The following CACNA2D3 variants were observed in gnomAD, a reference collection of about 807,000 sequenced individuals.
CACNA2D3 encodes the protein voltage-dependent calcium channel subunit alpha-2/delta-3.
A neutral mutation model predicts 160.6 loss-of-function variants in CACNA2D3; 60 were observed. The ratio of observed to expected loss-of-function variants is 0.37; its 90% CI spans 0.30 to 0.46. The LOEUF (loss-of-function observed/expected upper bound fraction) is 0.46. CACNA2D3 is among the 20% of genes least tolerant of loss of function. The probability of loss-of-function intolerance (pLI) is 1.00; values close to 1 mark genes in which losing one functional copy is unlikely to be tolerated. For synonymous variants in CACNA2D3, 558 were observed against 492.9 expected, an observed-to-expected ratio of 1.13 and a Z score of -1.75; for missense variants, 1,205 against 1,365.0, an observed-to-expected ratio of 0.88 and a Z score of 1.85.
chr3:54,529,776 T>C (rs979387036), intron 5 of CACNA2D3, among the ~76,000 whole-genome samples: 3 of 152,244 alleles, frequency 2.0e-5, no homozygotes, highest in Non-Finnish European at 4.4e-5. Flanking sequence ...CTTATTATTT[T>C]TGTTGTTTCT....
intron 17 of CACNA2D3, among the ~76,000 whole-genome samples, chr3:54,852,711 G>C (rs1279804716): frequency 2.0e-5 from 3 of 152,162 alleles, no homozygotes; most frequent in Non-Finnish European, 4.4e-5. Flanking sequence ...TTGATACATG[G>C]ACATGCTAAT....
chr3:54,530,927 T>C (rs762495905), intron 5 of CACNA2D3, among the ~76,000 whole-genome samples: 5 of 152,202 alleles, frequency 3.3e-5, no homozygotes, highest in African/African-American at 4.8e-5. Context: ...CCTAGCTGTT[T>C]CTCAGGGCTC....
chr3:54,948,433 A>G (rs1028337428), intron 27 of CACNA2D3, among the ~76,000 whole-genome samples: 1 of 152,222 alleles, frequency 6.6e-6, no homozygotes, highest in Non-Finnish European at 1.5e-5. Flanking sequence ...TGCCTTCTTC[A>G]TTGTCCAGAA....
At chr3:54,930,453 T>G (rs1701157127) in intron 27 of CACNA2D3, among the ~76,000 whole-genome samples, 1 of 152,130 alleles carries the variant, frequency 6.6e-6, no homozygotes, top group African/African-American at 2.4e-5. Context: ...CCTCTTTAGG[T>G]TATAGTGGAG....
chr3:54,918,337 T>TTTC, intron 27 of CACNA2D3: 1 of 233,454 alleles, frequency 4.3e-6, no homozygotes, highest in Middle Eastern at 1.9e-3. Flanking sequence ...TTTTTCTTTT[T>TTTC]TTTTTTTTTT....
At chr3:54,127,288 AC>A (rs1256373243) in intron 2 of CACNA2D3, among the ~76,000 whole-genome samples, 4 of 152,234 alleles carry the variant, frequency 2.6e-5, no homozygotes, top group Non-Finnish European at 5.9e-5. Flanking sequence ...CTTACCAAAC[AC>A]GCACATCTTG....
chr3:54,885,255 A>T (rs750999895), intron 21 of CACNA2D3, 26 bp from the exon 22 acceptor site: 1 of 1,613,322 alleles, frequency 6.2e-7, no homozygotes, highest in Non-Finnish European at 8.5e-7. Flanking sequence ...ATACTTATTC[A>T]TGAACCCCTT....
chr3:54,382,805 A>C (rs536086869), intron 3 of CACNA2D3, among the ~76,000 whole-genome samples: 1 of 152,378 alleles, frequency 6.6e-6, no homozygotes, highest in South Asian at 2.1e-4. Context: ...AAAGCAAAGC[A>C]AAACAAAACA....
intron 11 of CACNA2D3, among the ~76,000 whole-genome samples, chr3:54,659,251 C>T (rs895465660): frequency 6.6e-6 from 1 of 152,212 alleles, no homozygotes; most frequent in Non-Finnish European, 1.5e-5. Context: ...CGTTTGTTTT[C>T]TCCGAAGTGC....
intron 27 of CACNA2D3, chr3:54,918,437 A>T (rs751620466): frequency 6.2e-7 from 1 of 1,605,098 alleles, no homozygotes; most frequent in South Asian, 1.1e-5. Context: ...GCAATGACCA[A>T]TCCTATTTGA....
intron 27 of CACNA2D3, among the ~76,000 whole-genome samples, chr3:54,904,145 C>T (rs1700402482): frequency 6.6e-6 from 1 of 152,228 alleles, no homozygotes; most frequent in African/African-American, 2.4e-5. Flanking sequence ...CAAGAGAGCA[C>T]ACACAAGAGA....
intron 4 of CACNA2D3, among the ~76,000 whole-genome samples, chr3:54,468,971 C>T (rs1184369004): frequency 2.6e-5 from 4 of 152,170 alleles, no homozygotes; most frequent in African/African-American, 7.2e-5. Flanking sequence ...TAAAGAGCAC[C>T]TGGGGGATGG....
At chr3:54,529,283 T>C (rs1227112526) in intron 5 of CACNA2D3, among the ~76,000 whole-genome samples, 1 of 152,208 alleles carries the variant, frequency 6.6e-6, no homozygotes, top group East Asian at 1.9e-4. Context: ...GTTAGCGGTC[T>C]TCAACTTGTC....
intron 9 of CACNA2D3, among the ~76,000 whole-genome samples, chr3:54,621,027 T>C (rs12497334): frequency 0.17 from 25,306 of 152,118 alleles, 2,216 homozygotes; most frequent in South Asian, 0.29. Context: ...CCACTCCTAA[T>C]GGGTACGAAA....
At chr3:54,515,240 G>A (rs1408445752) in intron 5 of CACNA2D3, among the ~76,000 whole-genome samples, 1 of 151,588 alleles carries the variant, frequency 6.6e-6, no homozygotes, top group Non-Finnish European at 1.5e-5. Context: ...GAGGATATAA[G>A]TGGTTGTATA....
chr3:54,238,309 A>G (rs1701919195), intron 2 of CACNA2D3, among the ~76,000 whole-genome samples: 1 of 152,168 alleles, frequency 6.6e-6, no homozygotes, highest in African/African-American at 2.4e-5. Context: ...GTTATTAGTG[A>G]GTTGTCAATC....
chr3:54,156,245 G>T (rs897464676), intron 2 of CACNA2D3, among the ~76,000 whole-genome samples: 4 of 152,170 alleles, frequency 2.6e-5, no homozygotes, highest in Admixed American at 6.5e-5. Flanking sequence ...CATCCATAAA[G>T]GGTGTGCTAT....
intron 2 of CACNA2D3, among the ~76,000 whole-genome samples, chr3:54,163,618 A>C (rs557669587): frequency 2.0e-5 from 3 of 152,308 alleles, no homozygotes; most frequent in Admixed American, 6.5e-5. Flanking sequence ...GGAGGGGTAG[A>C]AATCAGTTAG....
At chr3:54,696,919 T>C (rs1235797129) in intron 11 of CACNA2D3, among the ~76,000 whole-genome samples, 1 of 152,148 alleles carries the variant, frequency 6.6e-6, no homozygotes, top group East Asian at 1.9e-4. Context: ...GTGTTTTTGA[T>C]CCTGTTGTTT....
Sources: gnomAD v4.1 joint callset for allele counts (sites outside exome capture counted in the v4.1 genomes callset) on GRCh38, gnomAD v4.1.1 for gene constraint, MANE v1.5 for transcripts, NCBI Gene and HGNC (gene_info 2026-07-23, HGNC 2026-07-21) for gene names.